The following EVL variants were observed in gnomAD, a reference collection of about 807,000 sequenced individuals.
EVL encodes Enah/Vasp-like, also known as ena/VASP-like protein.
EVL carries 21 observed loss-of-function variants against 59.6 expected under a neutral mutation model. The observed-to-expected ratio is 0.35, with a 90% CI of 0.25 to 0.51. The LOEUF (loss-of-function observed/expected upper bound fraction) is 0.51. Among genes scored for constraint, EVL ranks in the 20% least tolerant of loss-of-function variants. The pLI is 0.97. For synonymous variants in EVL, 198 were observed against 203.5 expected (o/e 0.97, Z 0.23); for missense variants, 462 against 546.6 (o/e 0.85, Z 1.54).
chr14:100,080,741 C>T lies in EVL; in HGVS notation c.12-3946C>T, dbSNP rs200850371. Among the ~76,000 whole-genome samples, 21 of 152,244 alleles carry T rather than the reference C, an allele frequency of 1.4e-4. No homozygotes were observed. The East Asian group carries it at 3.9e-3, about 28-fold the overall frequency. On this transcript the variant is annotated intron_variant, in intron 1 of 13. Transcript: ENST00000392920. ...CAGCTCAGAGATGCCTGTTAGATCCCAGGGGGGAAAGAAGTCCACCAACCT... is the reference window on the plus strand; with the variant it reads ...CAGCTCAGAGATGCCTGTTAGATCCTAGGGGGGAAAGAAGTCCACCAACCT...
intron 1 of EVL, among the ~76,000 whole-genome samples, chr14:100,020,966 C>T (rs139634311): frequency 1.6e-3 from 250 of 152,316 alleles, no homozygotes; most frequent in African/African-American, 5.7e-3. Flanking sequence ...ATAATAGCCC[C>T]ATTAGATGAC....
intron 1 of EVL, among the ~76,000 whole-genome samples, chr14:100,038,430 G>A (rs118007937): frequency 5.9e-5 from 9 of 152,128 alleles, no homozygotes; most frequent in African/African-American, 1.9e-4. Context: ...CTCAGATGGC[G>A]GACAAGGTTG....
At chr14:100,089,731 G>T (rs1273003695) in intron 2 of EVL, among the ~76,000 whole-genome samples, 1 of 152,150 alleles carries the variant, frequency 6.6e-6, no homozygotes, top group African/African-American at 2.4e-5. Context: ...AGACCATCCT[G>T]GTCAATATAG....
intron 3 of EVL, among the ~76,000 whole-genome samples, chr14:100,117,086 G>A (rs899547205): frequency 6.6e-6 from 1 of 152,222 alleles, no homozygotes; most frequent in Non-Finnish European, 1.5e-5. Flanking sequence ...GGCCAGCACA[G>A]AGAGACGGTC....
chr14:100,009,075 A>T (rs1406274867), intron 1 of EVL, among the ~76,000 whole-genome samples: 1 of 152,226 alleles, frequency 6.6e-6, no homozygotes, highest in African/African-American at 2.4e-5. Context: ...TCTCTTAGGC[A>T]TATGTTTGTG....
chr14:100,143,859 T>A lies in EVL; in HGVS notation c.*121T>A. ...GCACAGGAGCCTGGGCGCGCTGCTG[T>A]GAAACGTCCTGACCTGTGATCACAC... On this transcript the variant is annotated 3_prime_UTR_variant, in exon 14 of 14. Coordinates refer to ENST00000392920, the MANE Select transcript of EVL (RefSeq NM_016337.3). 8.4e-7 allele frequency: 1 copy of A among 1,188,266 alleles called. No individual in the cohort carries two copies. The highest frequency in any genetic ancestry group is 1.2e-6 in the Non-Finnish European group (1 of 837,740). The allele number at this position is 1,188,266 out of a possible 1,614,324, so 73.6% of individuals were successfully genotyped here.
At chr14:100,123,189 A>G (rs1887806736) in intron 3 of EVL, among the ~76,000 whole-genome samples, 1 of 152,200 alleles carries the variant, frequency 6.6e-6, no homozygotes, top group East Asian at 1.9e-4. Context: ...GCCAGATTCA[A>G]TGTTAAAGGG....
intron 1 of EVL, among the ~76,000 whole-genome samples, chr14:99,979,746 G>A (rs1026105949): frequency 5.9e-5 from 9 of 152,152 alleles, no homozygotes; most frequent in Non-Finnish European, 1.2e-4. Flanking sequence ...GCAGGCGCCT[G>A]TAGTCCCAGC....
At chr14:100,072,142 A>G (rs1369957131) in intron 1 of EVL, among the ~76,000 whole-genome samples, 2 of 152,214 alleles carry the variant, frequency 1.3e-5, no homozygotes, top group Admixed American at 1.3e-4. Flanking sequence ...CTTGAAAGGG[A>G]GTAAGCAGAC....
chr14:99,979,865 G>A (rs557849821), intron 1 of EVL, among the ~76,000 whole-genome samples: 107 of 152,254 alleles, frequency 7.0e-4, no homozygotes, highest in African/African-American at 2.5e-3. Flanking sequence ...GCGAGACTCC[G>A]TCTCAAAAAT....
At chr14:100,117,423 C>A (rs949557260) in intron 3 of EVL, among the ~76,000 whole-genome samples, 1 of 152,244 alleles carries the variant, frequency 6.6e-6, no homozygotes, top group Non-Finnish European at 1.5e-5. Flanking sequence ...CCCCTTCTTG[C>A]TCTCCCTGTC....
chr14:100,048,856 G>A (rs2061600125), intron 1 of EVL, among the ~76,000 whole-genome samples: 1 of 152,224 alleles, frequency 6.6e-6, no homozygotes, highest in Non-Finnish European at 1.5e-5. Flanking sequence ...GTTACACGTT[G>A]TATGATTCTA....
chr14:100,143,447 A>G (rs1420547593), intron 13 of EVL, among the ~76,000 whole-genome samples: 1 of 152,192 alleles, frequency 6.6e-6, no homozygotes, highest in Non-Finnish European at 1.5e-5. Flanking sequence ...GGCAGGGCAC[A>G]GGCCTCTGTC....
At chr14:99,971,619 G>C (rs1476285781) in exon 1 of EVL, 5 of 151,134 alleles carry the variant, frequency 3.3e-5, no homozygotes, top group Non-Finnish European at 4.4e-5. Context: ...TAGCCCGCGC[G>C]CCCGCGCGCC....
intron 1 of EVL, among the ~76,000 whole-genome samples, chr14:100,006,582 C>T (rs547740947): frequency 7.9e-5 from 12 of 152,076 alleles, no homozygotes; most frequent in South Asian, 2.1e-4. Context: ...CCACTGCGCC[C>T]GGCATGTTAA....
intron 3 of EVL, among the ~76,000 whole-genome samples, chr14:100,118,857 G>A (rs976340498): frequency 2.0e-5 from 3 of 152,252 alleles, no homozygotes; most frequent in Non-Finnish European, 2.9e-5. Flanking sequence ...AGGAGTGGGT[G>A]TTTGATGGAA....
upstream of EVL, among the ~76,000 whole-genome samples, chr14:100,062,578 A>T (rs2061856938): frequency 6.6e-6 from 1 of 152,204 alleles, no homozygotes; most frequent in Non-Finnish European, 1.5e-5. Flanking sequence ...GCAAAGTAGT[A>T]GACCTGTATC....
chr14:100,004,373 G>A (rs1032077100), intron 1 of EVL, among the ~76,000 whole-genome samples: 2 of 152,068 alleles, frequency 1.3e-5, no homozygotes, highest in East Asian at 3.9e-4. Flanking sequence ...ATGCAAGAAA[G>A]GTTGAACTTT....
At chr14:100,072,976 G>A (rs143190693) in intron 1 of EVL, among the ~76,000 whole-genome samples, 1 of 152,300 alleles carries the variant, frequency 6.6e-6, no homozygotes, top group Non-Finnish European at 1.5e-5. Flanking sequence ...CTCTCCAGGC[G>A]TGTTTCCTAA....
Sources: allele counts gnomAD v4.1 joint callset (sites outside exome capture counted in the v4.1 genomes callset), GRCh38; gene constraint gnomAD v4.1.1; transcripts MANE v1.5; gene names NCBI Gene and HGNC (gene_info 2026-07-23, HGNC 2026-07-21).